DIS3L2: variants seen among roughly 807,000 people sequenced by gnomAD.
DIS3L2 encodes the protein DIS3 like 3'-5' exoribonuclease 2.
In DIS3L2, 34 loss-of-function variants were observed where a neutral mutation model predicts 97.5. That is an observed-to-expected ratio of 0.35 (90% CI 0.27 to 0.46). The LOEUF is 0.46. Among genes scored for constraint, DIS3L2 ranks in the 20% least tolerant of loss-of-function variants. DIS3L2 has a pLI of 1.00. For synonymous variants in DIS3L2, 435 were observed against 445.2 expected (o/e 0.98, Z 0.29); for missense variants, 1,038 against 1,146.0 (o/e 0.91, Z 1.36).
chr2:232,290,346 A>C (rs1433094069), intron 13 of DIS3L2, among the ~76,000 whole-genome samples: 2 of 152,200 alleles, frequency 1.3e-5, no homozygotes, highest in Non-Finnish European at 2.9e-5. Flanking sequence ...CTGCTGAGGT[A>C]AAGGTGCTCC....
At chr2:232,167,519 A>C (rs1690860144) in intron 9 of DIS3L2, among the ~76,000 whole-genome samples, 1 of 152,218 alleles carries the variant, frequency 6.6e-6, no homozygotes, top group Admixed American at 6.5e-5. Context: ...TTTGATGATT[A>C]TCATAATTGA....
chr2:232,117,371 A>C (rs547135047), intron 6 of DIS3L2, among the ~76,000 whole-genome samples: 2 of 152,346 alleles, frequency 1.3e-5, no homozygotes, highest in African/African-American at 4.8e-5. Flanking sequence ...CATAATAAAT[A>C]CTTGTCTTGG....
At chr2:232,013,963 T>C (rs1263786189) in intron 1 of DIS3L2, among the ~76,000 whole-genome samples, 2 of 152,194 alleles carry the variant, frequency 1.3e-5, no homozygotes, top group Non-Finnish European at 2.9e-5. Context: ...GTGGGAAATA[T>C]AGAGGAAATG....
At chr2:232,206,642 A>G (rs1445283334) in intron 9 of DIS3L2, among the ~76,000 whole-genome samples, 6 of 152,210 alleles carry the variant, frequency 3.9e-5, no homozygotes, top group Admixed American at 1.3e-4. Context: ...TGGTTTGCCA[A>G]TTCCTGATCA....
intron 10 of DIS3L2, among the ~76,000 whole-genome samples, chr2:232,232,456 A>G (rs746333611): frequency 8.5e-5 from 13 of 152,214 alleles, no homozygotes; most frequent in Non-Finnish European, 1.6e-4. Flanking sequence ...GTCTTGGCCA[A>G]GGTGACAGTG....
intron 14 of DIS3L2, among the ~76,000 whole-genome samples, chr2:232,308,562 G>A (rs764973987): frequency 1.8e-4 from 27 of 152,176 alleles, no homozygotes; most frequent in South Asian, 2.1e-4. Flanking sequence ...AGAGAGCTAC[G>A]CTGTGGGATT....
At chr2:232,122,986 G>T (rs886622612) in intron 6 of DIS3L2, among the ~76,000 whole-genome samples, 2 of 152,182 alleles carry the variant, frequency 1.3e-5, no homozygotes, top group African/African-American at 2.4e-5. Flanking sequence ...CATGCCTATG[G>T]ATGGAAGCAG....
chr2:232,200,790 T>C (rs934662082), intron 9 of DIS3L2, among the ~76,000 whole-genome samples: 3 of 150,504 alleles, frequency 2.0e-5, no homozygotes, highest in Admixed American at 1.3e-4. Flanking sequence ...GTTTTTTTTT[T>C]TTTTTTTTTT....
At chr2:232,193,524 A>G (rs1691671041) in intron 9 of DIS3L2, among the ~76,000 whole-genome samples, 1 of 152,240 alleles carries the variant, frequency 6.6e-6, no homozygotes, top group Non-Finnish European at 1.5e-5. Flanking sequence ...ATTAAGGCAC[A>G]TTGCCTTAAC....
chr2:232,274,290 C>T (rs984636800), intron 13 of DIS3L2, among the ~76,000 whole-genome samples: 3 of 152,164 alleles, frequency 2.0e-5, no homozygotes, highest in African/African-American at 7.2e-5. Flanking sequence ...GGTAATTATA[C>T]TCATAATTAG....
At position 232,311,656 on chromosome 2, in the gene DIS3L2, T is replaced by C. The variant is rs10933388; in HGVS notation, c.1739+11537T>C. 3.1e-3 allele frequency among the ~76,000 whole-genome samples: 471 copies of C among 152,210 alleles called. 4 individuals carry two copies. Among genetic ancestry groups the C allele is most frequent in the African/African-American group, 0.011 (437 of 41,494 alleles). ...TCCCAAAAGGATACCACCATTGTTA[T>C]CTTCTAACACTGTAGATTGGTTGTG... On this transcript the variant is annotated intron_variant, in intron 14 of 20. Coordinates refer to ENST00000325385, the MANE Select transcript of DIS3L2 (RefSeq NM_152383.5).
intron 5 of DIS3L2, among the ~76,000 whole-genome samples, chr2:232,043,148 T>C (rs1190998563): frequency 6.6e-6 from 1 of 152,238 alleles, no homozygotes; most frequent in Non-Finnish European, 1.5e-5. Flanking sequence ...GTTTGTTTCT[T>C]ACTCATGCTC....
At chr2:231,970,550 C>A (rs1269408078) in intron 1 of DIS3L2, among the ~76,000 whole-genome samples, 4 of 151,954 alleles carry the variant, frequency 2.6e-5, no homozygotes, top group African/African-American at 9.7e-5. Flanking sequence ...AGAAAAGGTA[C>A]AGTAAAAATA....
chr2:232,125,111 C>T (rs1698020196), intron 6 of DIS3L2, among the ~76,000 whole-genome samples: 1 of 152,210 alleles, frequency 6.6e-6, no homozygotes, highest in Admixed American at 6.5e-5. Flanking sequence ...AAAATGCTCC[C>T]TCGTCCCATT....
intron 9 of DIS3L2, among the ~76,000 whole-genome samples, chr2:232,205,634 A>G (rs1692008873): frequency 6.6e-6 from 1 of 152,120 alleles, no homozygotes; most frequent in Non-Finnish European, 1.5e-5. Flanking sequence ...AATGAGGTAA[A>G]AGGAACACGT....
chr2:232,317,883 A>G (rs1464086495), intron 14 of DIS3L2, among the ~76,000 whole-genome samples: 1 of 152,262 alleles, frequency 6.6e-6, no homozygotes, highest in Non-Finnish European at 1.5e-5. Context: ...GTTAAATAAG[A>G]TAACAAAGTT....
At chr2:232,072,468 G>A (rs1467589549) in intron 5 of DIS3L2, among the ~76,000 whole-genome samples, 1 of 152,110 alleles carries the variant, frequency 6.6e-6, no homozygotes, top group Admixed American at 6.6e-5. Context: ...GTAGAGAATT[G>A]TCAGAGACGA....
At chr2:232,166,110 AT>A (rs1261945872) in intron 9 of DIS3L2, among the ~76,000 whole-genome samples, 1 of 148,574 alleles carries the variant, frequency 6.7e-6, no homozygotes, top group Non-Finnish European at 1.5e-5. Context: ...AAATAAATAA[AT>A]AAATAAAATA....
At chr2:232,026,216 A>G (rs1471826314) in intron 4 of DIS3L2, among the ~76,000 whole-genome samples, 1 of 152,222 alleles carries the variant, frequency 6.6e-6, no homozygotes, top group African/African-American at 2.4e-5. Flanking sequence ...TTGAAAAGTT[A>G]GACATCAAAA....
Sources: allele counts gnomAD v4.1 joint callset (sites outside exome capture counted in the v4.1 genomes callset), GRCh38; gene constraint gnomAD v4.1.1; transcripts MANE v1.5; gene names NCBI Gene and HGNC (gene_info 2026-07-23, HGNC 2026-07-21).